Variants in VRK3 observed in about 807,000 individuals in gnomAD.
VRK3 encodes the protein serine/threonine-protein kinase VRK3.
Under a neutral mutation model 60.4 loss-of-function variants are expected in VRK3, and 50 were observed. The ratio of observed to expected loss-of-function variants is 0.83; its 90% CI spans 0.66 to 1.05. The LOEUF is 1.05. VRK3 is among the 50% of genes least tolerant of loss of function. The probability of loss-of-function intolerance (pLI) is 0.00; values close to 1 mark genes in which losing one functional copy is unlikely to be tolerated. For missense variants in VRK3, 549 were observed against 585.3 expected, an observed-to-expected ratio of 0.94 and a Z score of 0.64; for synonymous variants, 246 against 227.8, an observed-to-expected ratio of 1.08 and a Z score of -0.72.
At chr19:50,007,542 C>T in intron 5 of VRK3, 27 bp downstream of exon 5, 2 of 1,610,908 alleles carry the variant, frequency 1.2e-6, no homozygotes, top group Non-Finnish European at 1.7e-6. Context: ...ACGACCCAGT[C>T]CCTGGCCGCC....
chr19:50,016,817 G>C (rs1171136152), intron 2 of VRK3, among the ~76,000 whole-genome samples: 1 of 151,658 alleles, frequency 6.6e-6, no homozygotes, highest in Admixed American at 6.6e-5. Flanking sequence ...GTGAAGAAGG[G>C]AAATTAACAA....
intron 12 of VRK3, among the ~76,000 whole-genome samples, chr19:49,985,337 G>A (rs761812862): frequency 6.6e-6 from 1 of 152,218 alleles, no homozygotes; most frequent in Admixed American, 6.5e-5. Flanking sequence ...ATGGACTTGT[G>A]TTCTAGCAGG....
At chr19:50,012,748 G>A (rs756732985) in intron 3 of VRK3, among the ~76,000 whole-genome samples, 23 of 152,086 alleles carry the variant, frequency 1.5e-4, no homozygotes, top group Admixed American at 2.0e-4. Flanking sequence ...GGTGGTGCGC[G>A]GCTGTAATAC....
intron 10 of VRK3, among the ~76,000 whole-genome samples, chr19:49,991,213 G>C (rs2076605942): frequency 6.6e-6 from 1 of 152,166 alleles, no homozygotes; most frequent in Admixed American, 6.5e-5. Flanking sequence ...GGGGTTTGTA[G>C]ACTGAGCAAG....
intron 3 of VRK3, among the ~76,000 whole-genome samples, chr19:50,014,726 G>A (rs2122567828): frequency 6.6e-6 from 1 of 152,340 alleles, no homozygotes; most frequent in East Asian, 1.9e-4. Context: ...CAGGAGGCCA[G>A]TGTGGCTGGA....
At chr19:50,007,964 C>A in intron 4 of VRK3, 138 bp from the exon 5 acceptor site, 1 of 1,291,012 alleles carries the variant, frequency 7.7e-7, no homozygotes, top group Non-Finnish European at 1.1e-6. Context: ...TTCTATGAGT[C>A]AGGCCTTTGT....
At chr19:49,997,011 G>A (rs912391196) in intron 7 of VRK3, 1 of 152,028 alleles carries the variant, frequency 6.6e-6, no homozygotes, top group Non-Finnish European at 1.5e-5. Flanking sequence ...TGGAGACAGG[G>A]TCTGGCTCTG....
At chr19:49,982,986 A>G (rs12984304) in intron 12 of VRK3, among the ~76,000 whole-genome samples, 20,312 of 150,810 alleles carry the variant, frequency 0.13, 1,536 homozygotes, top group East Asian at 0.34. Context: ...TCTCTGCCCC[A>G]TGTCCTCCTC....
intron 6 of VRK3, chr19:49,998,609 C>A (rs2076745651): frequency 6.6e-6 from 1 of 152,062 alleles, no homozygotes; most frequent in African/African-American, 2.4e-5. Flanking sequence ...ATTCTTCCTA[C>A]AAAGCCTCCA....
intron 6 of VRK3, 23 bp from the exon 7 acceptor site, chr19:49,997,593 G>A: frequency 6.2e-7 from 1 of 1,613,468 alleles, no homozygotes; most frequent in Non-Finnish European, 8.5e-7. Flanking sequence ...AGGAGGGGCA[G>A]AAGGCTGTCA....
At chr19:49,999,924 T>C (rs11878912) in intron 6 of VRK3, 7,984 of 152,258 alleles carry the variant, frequency 0.052, 690 homozygotes, top group African/African-American at 0.18. Flanking sequence ...GTAGCTGCCC[T>C]ACTGGGAGGA....
rs1438353789 is a variant in VRK3, at chr19:50,009,346, G to A, written c.179C>T (p.Pro60Leu). 6.2e-7 allele frequency: 1 copy of A among 1,613,878 alleles called. No homozygotes were observed. Among genetic ancestry groups the A allele is most frequent in the African/African-American group, 1.3e-5 (1 of 74,878 alleles). ...GGTGCTGGACCATTTCACTTTCTTA[G>A]GAGAGGTTTCAAAACTGGAGTTCAG... ...RGLNSSFETS[P>L]KKVKWSSTVT... Residue 60 changes from proline (P) to leucine (L), a missense_variant, in exon 4 of 15, where the codon CCT becomes CTT. By Grantham distance (98) the Pro-to-Leu change is moderately conservative. Transcript: ENST00000316763.
chr19:50,008,420 C>T (rs1209358057), intron 4 of VRK3, among the ~76,000 whole-genome samples: 1 of 152,064 alleles, frequency 6.6e-6, no homozygotes, highest in East Asian at 1.9e-4. Context: ...CCCACCATCC[C>T]CTAAAGGCAA....
chr19:50,003,974 G>A (rs946845246), intron 5 of VRK3, among the ~76,000 whole-genome samples: 1 of 152,266 alleles, frequency 6.6e-6, no homozygotes, highest in Non-Finnish European at 1.5e-5. Context: ...GCAGAGGCAG[G>A]AGGATGGCTT....
chr19:50,006,440 A>G (rs1423142196), intron 5 of VRK3, among the ~76,000 whole-genome samples: 2 of 151,674 alleles, frequency 1.3e-5, no homozygotes, highest in Non-Finnish European at 2.9e-5. Context: ...CAGTGGTGCA[A>G]CCTCGGCTCA....
At chr19:50,021,615 AGG>A (rs1317469450) in intron 1 of VRK3, among the ~76,000 whole-genome samples, 1 of 152,206 alleles carries the variant, frequency 6.6e-6, no homozygotes, top group Admixed American at 6.5e-5. Context: ...GCTAAGGCAC[AGG>A]CACTGGGGAG....
intron 3 of VRK3, among the ~76,000 whole-genome samples, chr19:50,011,492 C>A (rs1408683916): frequency 6.6e-6 from 1 of 152,146 alleles, no homozygotes; most frequent in Non-Finnish European, 1.5e-5. Flanking sequence ...ATCCATTTTC[C>A]ACACAGAGAA....
intron 10 of VRK3, 68 bp downstream of exon 10, chr19:49,992,792 A>C: frequency 3.5e-6 from 5 of 1,433,222 alleles, no homozygotes; most frequent in Non-Finnish European, 4.9e-6. Context: ...TGAAATAAAT[A>C]GAGATTTGGA....
At chr19:49,976,955 G>A (rs2076340650) in intron 14 of VRK3, among the ~76,000 whole-genome samples, 171 bp from the exon 15 acceptor site, 1 of 152,214 alleles carries the variant, frequency 6.6e-6, no homozygotes, top group Non-Finnish European at 1.5e-5. Context: ...AGGATGAGGA[G>A]GAGGCGGGTG....
Sources: allele counts gnomAD v4.1 joint callset (sites outside exome capture counted in the v4.1 genomes callset), GRCh38; gene constraint gnomAD v4.1.1; transcripts MANE v1.5; gene names NCBI Gene and HGNC (gene_info 2026-07-23, HGNC 2026-07-21).